The following MAF variants were observed in gnomAD, a reference collection of about 807,000 sequenced individuals.
The protein encoded by MAF is transcription factor Maf.
MAF carries 10 observed loss-of-function variants against 22.0 expected under a neutral mutation model. The observed-to-expected ratio is 0.45, with a 90% CI of 0.28 to 0.77. The LOEUF (loss-of-function observed/expected upper bound fraction) is 0.77, where lower values mean the gene tolerates loss of function less well. Among genes scored for constraint, MAF ranks in the 30% least tolerant of loss-of-function variants. The pLI, the probability that MAF is intolerant of heterozygous loss-of-function variation, is 0.12. For missense variants in MAF, 544 were observed against 548.4 expected (o/e 0.99, Z 0.08); for synonymous variants, 337 against 255.8 (o/e 1.32, Z -3.03).
intron 1 of MAF, among the ~76,000 whole-genome samples, chr16:79,588,096 C>T (rs1278224718): frequency 6.6e-6 from 1 of 152,184 alleles, no homozygotes; most frequent in East Asian, 1.9e-4. Flanking sequence ...GTTTACCTAA[C>T]AATTGAAGAG....
the MAF span, among the ~76,000 whole-genome samples, chr16:79,270,403 G>A: frequency 6.6e-6 from 1 of 152,048 alleles, no homozygotes; most frequent in Non-Finnish European, 1.5e-5. Context: ...TGTGTGGAGT[G>A]GAGGAAGGAG....
At chr16:79,519,872 C>T in the MAF span, among the ~76,000 whole-genome samples, 2 of 152,242 alleles carry the variant, frequency 1.3e-5, no homozygotes, top group East Asian at 1.9e-4. Context: ...GTTGACTGCT[C>T]GCCCATCCTG....
the MAF span, among the ~76,000 whole-genome samples, chr16:79,418,339 G>C: frequency 3.9e-5 from 6 of 152,048 alleles, no homozygotes; most frequent in Non-Finnish European, 5.9e-5. Flanking sequence ...CAGCCACAGA[G>C]AAAAAAAGAG....
the MAF span, among the ~76,000 whole-genome samples, chr16:79,233,631 G>C: frequency 6.6e-6 from 1 of 152,032 alleles, no homozygotes; most frequent in African/African-American, 2.4e-5. Context: ...GAGGTGATGG[G>C]ATACCGTTAA....
the MAF span, among the ~76,000 whole-genome samples, chr16:79,577,804 G>A: frequency 2.0e-5 from 3 of 152,302 alleles, no homozygotes; most frequent in Admixed American, 6.5e-5. Flanking sequence ...ATATTATGGT[G>A]CAATGCCCCA....
the MAF span, among the ~76,000 whole-genome samples, chr16:79,332,178 G>A: frequency 1.3e-5 from 2 of 152,128 alleles, no homozygotes; most frequent in African/African-American, 4.8e-5. Context: ...TTTATTGAAT[G>A]CGTACCATTT....
chr16:79,232,221 T>C, the MAF span, among the ~76,000 whole-genome samples: 1 of 152,004 alleles, frequency 6.6e-6, no homozygotes, highest in African/African-American at 2.4e-5. Flanking sequence ...ATAGACAATA[T>C]ACAAGTTAAA....
At chr16:79,205,537 C>T in the MAF span, 2 of 152,336 alleles carry the variant, frequency 1.3e-5, no homozygotes, top group South Asian at 4.1e-4. Flanking sequence ...AGAACACTTT[C>T]TCACACTTCT....
chr16:79,519,986 G>T, the MAF span, among the ~76,000 whole-genome samples: 2 of 152,230 alleles, frequency 1.3e-5, 1 homozygote, highest in South Asian at 4.1e-4. Context: ...TGTGCAGGTG[G>T]AGTTGGGCAG....
chr16:79,596,437 T>C (rs979484729), intron 1 of MAF: 18 of 1,054,720 alleles, frequency 1.7e-5, no homozygotes, highest in East Asian at 1.1e-4. Context: ...AACGAGGTTG[T>C]TGGGCCCAGT....
chr16:79,239,582 T>C, the MAF span, among the ~76,000 whole-genome samples: 1 of 152,042 alleles, frequency 6.6e-6, no homozygotes, highest in African/African-American at 2.4e-5. Flanking sequence ...CAGGGAGGCA[T>C]TTCTGGACCA....
the MAF span, among the ~76,000 whole-genome samples, chr16:79,397,414 C>T: frequency 0.013 from 1,994 of 152,164 alleles, 44 homozygotes; most frequent in African/African-American, 0.045. Flanking sequence ...ATAATGAAGT[C>T]GTGTGATATT....
chr16:79,586,760 G>C (rs1001437198), intron 1 of MAF, among the ~76,000 whole-genome samples: 1 of 152,156 alleles, frequency 6.6e-6, no homozygotes, highest in Non-Finnish European at 1.5e-5. Context: ...TAACAAAGCA[G>C]ACCTGTCATT....
the MAF span, among the ~76,000 whole-genome samples, chr16:79,436,794 T>A: frequency 6.6e-6 from 1 of 152,184 alleles, no homozygotes; most frequent in African/African-American, 2.4e-5. Flanking sequence ...GAGCTGGGTC[T>A]CCACCTTGGC....
At chr16:79,247,694 C>T in the MAF span, among the ~76,000 whole-genome samples, 3 of 152,102 alleles carry the variant, frequency 2.0e-5, no homozygotes, top group African/African-American at 4.8e-5. Flanking sequence ...GGAACAAAGG[C>T]ATCTTCCTGG....
At chr16:79,231,492 G>C in the MAF span, among the ~76,000 whole-genome samples, 1 of 152,190 alleles carries the variant, frequency 6.6e-6, no homozygotes, top group East Asian at 1.9e-4. Flanking sequence ...ACCAAGAATA[G>C]AAGATTCCTG....
At chr16:79,518,961 T>A in the MAF span, among the ~76,000 whole-genome samples, 1 of 152,136 alleles carries the variant, frequency 6.6e-6, no homozygotes, top group Admixed American at 6.5e-5. Context: ...GCTTTATAAA[T>A]CTTAGCTAGC....
chr16:79,356,009 C>G, the MAF span, among the ~76,000 whole-genome samples: 3 of 152,136 alleles, frequency 2.0e-5, no homozygotes, highest in Non-Finnish European at 4.4e-5. Flanking sequence ...CCCCGGAGAG[C>G]CTCCTCTTCC....
the MAF span, among the ~76,000 whole-genome samples, chr16:79,470,357 GC>G: frequency 5.9e-5 from 9 of 152,040 alleles, no homozygotes; most frequent in Non-Finnish European, 1.3e-4. Flanking sequence ...ATGTTACTGA[GC>G]CCCCCCAGGG....
Sources: allele counts gnomAD v4.1 joint callset (sites outside exome capture counted in the v4.1 genomes callset), GRCh38; gene constraint gnomAD v4.1.1; transcripts MANE v1.5; gene names NCBI Gene and HGNC (gene_info 2026-07-23, HGNC 2026-07-21).